Variants in HELB observed in about 807,000 individuals in gnomAD.
HELB encodes the protein DNA 5'-3' helicase B.
A neutral mutation model predicts 101.7 loss-of-function variants in HELB; 96 were observed. The observed-to-expected ratio is 0.94, with a 90% CI of 0.80 to 1.12. The LOEUF (loss-of-function observed/expected upper bound fraction) is 1.12. HELB is among the 50% of genes most tolerant of loss of function. The pLI is 0.00. For missense variants in HELB, 1,210 were observed against 1,291.9 expected, an observed-to-expected ratio of 0.94 and a Z score of 0.97; for synonymous variants, 437 against 459.7, an observed-to-expected ratio of 0.95 and a Z score of 0.63.
At chr12:66,321,583 TAAAAC>T in intron 7 of HELB, 1 of 220,768 alleles carries the variant, frequency 4.5e-6, no homozygotes, top group Non-Finnish European at 9.1e-6. Context: ...CACAAGGACT[TAAAAC>T]AGGAAGTTTT....
intron 12 of HELB, 55 bp from the exon 13 acceptor site, chr12:66,337,946 G>A: frequency 4.0e-6 from 4 of 1,006,082 alleles, no homozygotes; most frequent in South Asian, 2.6e-5. Context: ...AGTACGTAGG[G>A]TAGACTAACT....
Position 66,331,555 on chromosome 12 carries a change from A to G in HELB, c.3072A>G (p.Gly1024=). 1.2e-6 allele frequency: 2 copies of G among 1,613,852 alleles called. No individual in the cohort carries two copies. Among genetic ancestry groups the G allele is most frequent in the Non-Finnish European group, 1.7e-6 (2 of 1,179,902 alleles). ...GATGGCAATTATCTTCACCTGATGG[A>G]GTAGATACAGATGATGATTTACCAA... ...AERWQLSSPD[G]VDTDDDLPKS... The change falls in exon 12 of 13, where the codon GGA becomes GGG. Residue 1024 remains glycine, a synonymous_variant. Coordinates refer to ENST00000247815, the MANE Select transcript of HELB (RefSeq NM_001370285.1).
intron 11 of HELB, among the ~76,000 whole-genome samples, chr12:66,328,485 T>C (rs576621799): frequency 5.3e-5 from 8 of 152,090 alleles, no homozygotes; most frequent in Admixed American, 5.2e-4. Flanking sequence ...ATTTCCAGAG[T>C]CTGGGAGCTG....
At chr12:66,331,116 T>C (rs199724463) in intron 11 of HELB, 38 bp from the exon 12 acceptor site, 12 of 1,553,074 alleles carry the variant, frequency 7.7e-6, no homozygotes, top group African/African-American at 1.4e-5. Flanking sequence ...GAACCTATTT[T>C]ATAGCATTTA....
In HELB at chr12:66,329,412, G is replaced by A. The variant is rs554889692; in HGVS notation, c.2671-1742G>A. 7.2e-5 allele frequency among the ~76,000 whole-genome samples: 11 copies of A among 152,238 alleles called. No individual in the cohort carries two copies. The South Asian group carries it at 1.7e-3, about 23-fold the overall frequency. On this transcript the variant is annotated intron_variant, in intron 11 of 12. Coordinates refer to ENST00000247815, the MANE Select transcript of HELB (RefSeq NM_001370285.1). ...GGTGCTGGAGAGTAATAGATGGGGCGGCTACTCCAGACATGGGCCAAATTG... is the reference window on the plus strand; with the variant it reads ...GGTGCTGGAGAGTAATAGATGGGGCAGCTACTCCAGACATGGGCCAAATTG...
intron 1 of HELB, among the ~76,000 whole-genome samples, chr12:66,303,086 C>CT (rs74262414): frequency 7.6e-4 from 96 of 125,608 alleles, no homozygotes; most frequent in East Asian, 1.9e-3. Context: ...GCGGGTTGCC[C>CT]TTTTTTTTTT....
intron 6 of HELB, among the ~76,000 whole-genome samples, chr12:66,317,704 CTA>C (rs1440956729): frequency 3.3e-5 from 5 of 152,168 alleles, no homozygotes; most frequent in African/African-American, 4.8e-5. Context: ...AGGATCCCTG[CTA>C]TATACCAGGG....
chr12:66,304,327 G>A (rs557785843), intron 1 of HELB, among the ~76,000 whole-genome samples: 7 of 152,330 alleles, frequency 4.6e-5, no homozygotes, highest in Non-Finnish European at 1.0e-4. Context: ...AGTAAATGTA[G>A]TAAACAGTAA....
At chr12:66,316,884 T>G (rs2053612340) in intron 6 of HELB, among the ~76,000 whole-genome samples, 1 of 151,934 alleles carries the variant, frequency 6.6e-6, no homozygotes, top group Non-Finnish European at 1.5e-5. Flanking sequence ...CCGGGCTTGG[T>G]GGCGGGCGCC....
chr12:66,336,305 A>G (rs1476072196), intron 12 of HELB, among the ~76,000 whole-genome samples: 1 of 152,156 alleles, frequency 6.6e-6, no homozygotes. Context: ...GTTGAGACCT[A>G]TTCTGAGTTT....
chr12:66,326,432 G>A (rs1013781846), intron 11 of HELB, among the ~76,000 whole-genome samples: 5 of 151,818 alleles, frequency 3.3e-5, no homozygotes, highest in African/African-American at 7.3e-5. Context: ...TAGTAGAGAC[G>A]GGGTTTCACC....
chr12:66,338,054 T>C lies in HELB; in HGVS notation c.3216T>C (p.Asn1072=). ...GACTTCAGAATTTGAGACTGAATAATTTAATTCCCAGGCAACTTTTCAAGC... is the reference window on the plus strand; with the variant it reads ...GACTTCAGAATTTGAGACTGAATAACTTAATTCCCAGGCAACTTTTCAAGC... ...SSRLQNLRLN[N]LIPRQLFKPT... The change falls in exon 13 of 13, where the codon AAT becomes AAC. Residue 1072 remains asparagine (N), a synonymous_variant. Transcript: ENST00000247815. The C allele has an allele frequency of 6.2e-7, 1 of 1,607,082 alleles. No individual in the cohort carries two copies. Among genetic ancestry groups the C allele is most frequent in the Non-Finnish European group, 8.5e-7 (1 of 1,173,824 alleles).
chr12:66,303,086 CTTTTT>C (rs74262414), intron 1 of HELB, among the ~76,000 whole-genome samples: 4,176 of 125,556 alleles, frequency 0.033, 156 homozygotes, highest in East Asian at 0.1. Flanking sequence ...GCGGGTTGCC[CTTTTT>C]TTTTTTTTTT....
intron 12 of HELB, 55 bp downstream of exon 12, chr12:66,331,700 T>C (rs1460448780): frequency 1.3e-6 from 2 of 1,490,466 alleles, no homozygotes; most frequent in Admixed American, 3.7e-5. Context: ...CTAACTTCGG[T>C]GTGCTTATAA....
chr12:66,338,475 C>T (rs1172622045), downstream of HELB: 1 of 172,730 alleles, frequency 5.8e-6, no homozygotes, highest in East Asian at 1.8e-4. Context: ...AACCCCATCT[C>T]TACTAAAAAT....
chr12:66,302,521 C>A lies in HELB; in HGVS notation c.-83C>A. ...CCGTTCCCGGAAGTTGATGGCCTTACAGTCGTAGAACTGATTGGCTGATCA... is the reference window on the plus strand; with the variant it reads ...CCGTTCCCGGAAGTTGATGGCCTTAAAGTCGTAGAACTGATTGGCTGATCA... On this transcript the variant is annotated 5_prime_UTR_variant, in exon 1 of 13. Coordinates refer to ENST00000247815, the MANE Select transcript of HELB (RefSeq NM_001370285.1). 2 of 1,288,334 alleles carry A rather than the reference C, an allele frequency of 1.6e-6. No homozygotes were observed. Among genetic ancestry groups the A allele is most frequent in the Non-Finnish European group, 2.1e-6 (2 of 932,346 alleles). The allele number at this position is 1,288,334 out of a possible 1,614,324, so 79.8% of individuals were successfully genotyped here.
At chr12:66,316,785 C>T (rs1236678506) in intron 6 of HELB, among the ~76,000 whole-genome samples, 14 of 151,480 alleles carry the variant, frequency 9.2e-5, no homozygotes, top group Admixed American at 5.3e-4. Flanking sequence ...TTTGGGAGGC[C>T]GAGGCGGGTG....
At chr12:66,332,332 A>G (rs1479358245) in intron 12 of HELB, among the ~76,000 whole-genome samples, 1 of 152,176 alleles carries the variant, frequency 6.6e-6, no homozygotes, top group East Asian at 1.9e-4. Flanking sequence ...CTCGTAATGT[A>G]GCATTCCCCC....
intron 7 of HELB, chr12:66,321,649 C>T: frequency 3.5e-6 from 1 of 286,616 alleles, no homozygotes. Flanking sequence ...TTCTTAAATT[C>T]AGTGTTCATA....
Sources: gnomAD v4.1 joint callset for allele counts (sites outside exome capture counted in the v4.1 genomes callset) on GRCh38, gnomAD v4.1.1 for gene constraint, MANE v1.5 for transcripts, NCBI Gene and HGNC (gene_info 2026-07-23, HGNC 2026-07-21) for gene names.